The following NUP205 variants were observed in gnomAD, a reference collection of about 807,000 sequenced individuals.
NUP205 encodes nucleoporin 205.
Under a neutral mutation model 253.8 loss-of-function variants are expected in NUP205, and 76 were observed. The observed-to-expected ratio is 0.30, with a 90% CI of 0.25 to 0.36. The LOEUF is 0.36. NUP205 is among the 10% of genes least tolerant of loss of function. The pLI, the probability that NUP205 is intolerant of heterozygous loss-of-function variation, is 1.00. For missense variants in NUP205, 2,162 were observed against 2,425.5 expected (o/e 0.89, Z 2.28); for synonymous variants, 832 against 850.1 (o/e 0.98, Z 0.37).
chr7:135,644,205 T>C (rs1794965425), intron 39 of NUP205, among the ~76,000 whole-genome samples: 1 of 152,202 alleles, frequency 6.6e-6, no homozygotes, highest in Non-Finnish European at 1.5e-5. Context: ...CCCAAAGGCA[T>C]GTAGCTGGCA....
intron 22 of NUP205, among the ~76,000 whole-genome samples, chr7:135,607,678 CCT>C (rs2129490760): frequency 6.6e-6 from 1 of 152,312 alleles, no homozygotes; most frequent in Non-Finnish European, 1.5e-5. Flanking sequence ...GGTCAGAAGA[CCT>C]CTGGTTCCCA....
intron 5 of NUP205, 87 bp downstream of exon 5, chr7:135,577,215 A>T: frequency 3.0e-6 from 4 of 1,319,970 alleles, no homozygotes; most frequent in Non-Finnish European, 4.2e-6. Context: ...TTTTTTCAAG[A>T]TGAATTATGT....
intron 19 of NUP205, 148 bp downstream of exon 19, chr7:135,604,608 C>G (rs1794046552): frequency 1.4e-6 from 1 of 716,698 alleles, no homozygotes; most frequent in Non-Finnish European, 2.2e-6. Flanking sequence ...GGGTGAAAAC[C>G]TACCCACGAA....
rs746340191 is a variant in NUP205, at chr7:135,619,620, T to C, written c.4161T>C (p.Gly1387=). ...SPPPEENPLV[G]FASIGDSSLY... ...CTCCTGAAGAGAACCCATTAGTGGG[T>C]TTTGCTTCTATTGGAGATTCTTCAC... Residue 1387 remains glycine, a synonymous_variant, in exon 29 of 43, where the codon GGT becomes GGC. Transcript: ENST00000285968. 1 of 1,614,142 alleles carries C rather than the reference T, an allele frequency of 6.2e-7. No individual in the cohort carries two copies. Among genetic ancestry groups the C allele is most frequent in the Admixed American group, 1.7e-5 (1 of 60,022 alleles).
rs1332254650 is a variant in NUP205, at chr7:135,570,029, T to TTTTATA, written c.29-1075_29-1074insTTATAT. ...CTTTGAAGCAGATGGTGTTTATGTT[T>TTTTATA]TATATATATATATATATATATATAG... On this transcript the variant is annotated intron_variant, in intron 1 of 42. Transcript: ENST00000285968. 3.8e-3 allele frequency among the ~76,000 whole-genome samples: 371 copies of TTTTATA among 98,450 alleles called. 1 individual carries two copies. The highest frequency in any genetic ancestry group is 0.015 in the African/African-American group (351 of 22,944). 64.6% of individuals were successfully genotyped at this position (98,450 alleles called of 152,430 possible). A position where few individuals can be genotyped will look rare whatever the true frequency, so the allele number is the denominator to read the frequency against.
In NUP205 at chr7:135,645,512, T is replaced by TA; in HGVS notation, c.5729dup (p.Tyr1910Ter). The TA allele has an allele frequency of 6.2e-7, 1 of 1,613,810 alleles. No homozygotes were observed. The highest frequency in any genetic ancestry group is 8.5e-7 in the Non-Finnish European group (1 of 1,179,720). ...ATTTATTCTTTGGCGCCATCTGGAG[T>TA]ACTACTTGTTACATTGCATGCCCAC... ...CLFILWRHLE[Y>*]YLLHCMPTDS... The change falls in exon 41 of 43, where the codon TAC becomes TAAC. Residue 1910 changes from tyrosine (Y) to a stop codon, truncating the protein, a stop_gained and frameshift_variant. Transcript: ENST00000285968. LOFTEE classifies it high-confidence loss of function.
At chr7:135,615,196 A>C (rs1794330471) in intron 23 of NUP205, among the ~76,000 whole-genome samples, 1 of 152,140 alleles carries the variant, frequency 6.6e-6, no homozygotes, top group Non-Finnish European at 1.5e-5. Context: ...TATATGGTTA[A>C]TTTTATGTTT....
chr7:135,588,031 G>A (rs374884090), intron 10 of NUP205, 39 bp downstream of exon 10: 39 of 1,526,556 alleles, frequency 2.6e-5, no homozygotes, highest in Non-Finnish European at 3.3e-5. Context: ...CTCTGGTACT[G>A]TGATAGAGAG....
chr7:135,648,377 A>G, intron 42 of NUP205, 27 bp from the exon 43 acceptor site: 1 of 1,514,918 alleles, frequency 6.6e-7, no homozygotes, highest in African/African-American at 1.4e-5. Context: ...AACAATTTTA[A>G]CAAAATGTCT....
Position 135,601,464 on chromosome 7 carries a change from GGAA to G in NUP205, c.2474_2476del (p.Glu825del), listed in dbSNP as rs1793963795. On this transcript the variant is annotated inframe_deletion, in exon 17 of 43. Coordinates refer to ENST00000285968, the MANE Select transcript of NUP205 (RefSeq NM_015135.3). ...TGTTGGAGCTTGCTCTCAGTTTACT[GGAA>G]GAAGGAGTTAAGCAGCTTGACACCT... The G allele has an allele frequency of 1.9e-6, 3 of 1,613,894 alleles. No homozygotes were observed. The highest frequency in any genetic ancestry group is 2.5e-6 in the Non-Finnish European group (3 of 1,179,868).
At chr7:135,587,821 A>G in intron 9 of NUP205, 34 bp from the exon 10 acceptor site, 1 of 1,581,026 alleles carries the variant, frequency 6.3e-7, no homozygotes, top group Non-Finnish European at 8.6e-7. Context: ...TCAGTCATAG[A>G]CATTTCCCTA....
At position 135,600,971 on chromosome 7, in the gene NUP205, T is replaced by G. The variant is rs1311954612; in HGVS notation, c.2374+2T>G. On this transcript the variant is annotated splice_donor_variant, in intron 16 of 42. Transcript: ENST00000285968. LOFTEE classifies it high-confidence loss of function. ...TAGACCAGTTTGTGGAACTACAAGG[T>G]AATTTAATTCTGTCACTTTCAAACA... The G allele has an allele frequency of 6.5e-7, 1 of 1,540,064 alleles. No homozygotes were observed. Among genetic ancestry groups the G allele is most frequent in the Admixed American group, 1.7e-5 (1 of 59,508 alleles).
chr7:135,618,217 T>G (rs1183469316), intron 27 of NUP205, among the ~76,000 whole-genome samples, 195 bp from the exon 28 acceptor site: 1 of 152,182 alleles, frequency 6.6e-6, no homozygotes, highest in African/African-American at 2.4e-5. Flanking sequence ...TCCCCTACCT[T>G]TCATGCACAT....
At chr7:135,632,056 ATT>A (rs1794726543) in intron 35 of NUP205, among the ~76,000 whole-genome samples, 1 of 151,996 alleles carries the variant, frequency 6.6e-6, no homozygotes, top group Non-Finnish European at 1.5e-5. Flanking sequence ...ATCTCTTGGT[ATT>A]TTTAATTTGT....
chr7:135,625,997 C>T (rs1315659025), intron 32 of NUP205, among the ~76,000 whole-genome samples: 1 of 152,112 alleles, frequency 6.6e-6, no homozygotes, highest in Non-Finnish European at 1.5e-5. Context: ...AATAACAGGA[C>T]CCACACTGTA....
chr7:135,615,133 A>T (rs989950145), intron 23 of NUP205, among the ~76,000 whole-genome samples: 46 of 152,300 alleles, frequency 3.0e-4, no homozygotes, highest in African/African-American at 1.1e-3. Context: ...CTATTATGGT[A>T]TGTGTTTTAT....
At chr7:135,569,131 C>G (rs1233603911) in intron 1 of NUP205, among the ~76,000 whole-genome samples, 1 of 152,174 alleles carries the variant, frequency 6.6e-6, no homozygotes, top group Non-Finnish European at 1.5e-5. Flanking sequence ...AGTGCAATGG[C>G]ACGATCTCGG....
At chr7:135,645,636 A>G in intron 41 of NUP205, 40 bp downstream of exon 41, 1 of 1,583,830 alleles carries the variant, frequency 6.3e-7, no homozygotes, top group Non-Finnish European at 8.6e-7. Context: ...ATAAATACCT[A>G]TTTGTGCCTT....
At chr7:135,558,275 T>C (rs765658060) in intron 1 of NUP205, 1 of 430,826 alleles carries the variant, frequency 2.3e-6, no homozygotes, top group Non-Finnish European at 4.3e-6. Flanking sequence ...AGTTTCACTG[T>C]GCGTCTGTGG....
Sources: gnomAD v4.1 joint callset for allele counts (sites outside exome capture counted in the v4.1 genomes callset) on GRCh38, gnomAD v4.1.1 for gene constraint, MANE v1.5 for transcripts, NCBI Gene and HGNC (gene_info 2026-07-23, HGNC 2026-07-21) for gene names.